The following SPRYD7 variants were observed in gnomAD, a reference collection of about 807,000 sequenced individuals.
SPRYD7 encodes SPRY domain-containing protein 7.
In SPRYD7, 14 loss-of-function variants were observed where a neutral mutation model predicts 23.8. The ratio of observed to expected loss-of-function variants is 0.59; its 90% CI spans 0.39 to 0.92. The LOEUF (loss-of-function observed/expected upper bound fraction) is 0.92. Ranked by LOEUF, SPRYD7 falls within the 40% of genes least tolerant of loss-of-function variation. The probability of loss-of-function intolerance (pLI) is 0.00; values close to 1 mark genes in which losing one functional copy is unlikely to be tolerated. For missense variants in SPRYD7, 194 were observed against 241.7 expected, an observed-to-expected ratio of 0.80 and a Z score of 1.31; for synonymous variants, 75 against 84.9, an observed-to-expected ratio of 0.88 and a Z score of 0.64.
intron 3 of SPRYD7, among the ~76,000 whole-genome samples, chr13:49,926,807 C>T (rs1488613531): frequency 6.6e-6 from 1 of 152,100 alleles, no homozygotes; most frequent in Non-Finnish European, 1.5e-5. Flanking sequence ...GAATTGAGAA[C>T]CCAAGGTTCA....
At chr13:49,932,318 A>G (rs1871420013) in intron 1 of SPRYD7, among the ~76,000 whole-genome samples, 1 of 152,230 alleles carries the variant, frequency 6.6e-6, no homozygotes, top group Non-Finnish European at 1.5e-5. Context: ...GTTTATTAAG[A>G]TAGCTACTTC....
rs1357431962 is a variant in SPRYD7, at chr13:49,914,631, A to AT, written c.*431dup. 2 of 152,654 alleles carry AT rather than the reference A, an allele frequency of 1.3e-5. No homozygotes were observed. The highest frequency in any genetic ancestry group is 1.3e-4 in the Admixed American group (2 of 15,266). The allele number at this position is 152,654 out of a possible 1,614,324, so 9.5% of individuals were successfully genotyped here. ...AATTTCTCTCACTTTGTTATATTGT[A>AT]TATAAAAAAGGACACTAAGCGGCAA... On this transcript the variant is annotated 3_prime_UTR_variant, in exon 5 of 5. Transcript: ENST00000361840.
intron 2 of SPRYD7, among the ~76,000 whole-genome samples, chr13:49,930,083 C>G (rs1955930146): frequency 6.6e-6 from 1 of 152,078 alleles, no homozygotes; most frequent in South Asian, 2.1e-4. Context: ...AGCCACTATG[C>G]CCGATCACTT....
At chr13:49,922,791 T>C (rs1417879405) in intron 3 of SPRYD7, among the ~76,000 whole-genome samples, 2 of 147,378 alleles carry the variant, frequency 1.4e-5, no homozygotes, top group South Asian at 4.4e-4. Context: ...GGATACATTC[T>C]ATCAAGTTAA....
At chr13:49,932,521 G>A (rs757548634) in intron 1 of SPRYD7, among the ~76,000 whole-genome samples, 1 of 152,122 alleles carries the variant, frequency 6.6e-6, no homozygotes, top group Non-Finnish European at 1.5e-5. Context: ...TAACATGTAA[G>A]AATACACAGA....
chr13:49,915,636 T>C (rs1006141539), intron 4 of SPRYD7, among the ~76,000 whole-genome samples: 1 of 152,186 alleles, frequency 6.6e-6, no homozygotes, highest in African/African-American at 2.4e-5. Context: ...GAAACTGACA[T>C]TGGTACACTA....
chr13:49,928,545 G>A (rs1385807122), intron 2 of SPRYD7, among the ~76,000 whole-genome samples: 1 of 152,238 alleles, frequency 6.6e-6, no homozygotes, highest in Non-Finnish European at 1.5e-5. Context: ...CAGTGCAAAT[G>A]AGGATTAAAT....
intron 1 of SPRYD7, among the ~76,000 whole-genome samples, chr13:49,933,001 TG>T (rs1871450025): frequency 1.3e-5 from 2 of 152,192 alleles, no homozygotes; most frequent in African/African-American, 4.8e-5. Context: ...GCAAAGACCA[TG>T]CAGTGCTTGG....
chr13:49,920,642 A>G (rs914827889), intron 4 of SPRYD7, among the ~76,000 whole-genome samples: 1 of 152,150 alleles, frequency 6.6e-6, no homozygotes, highest in Non-Finnish European at 1.5e-5. Flanking sequence ...GGATTGTAAT[A>G]TCCTACCGAC....
chr13:49,917,872 C>T (rs1955770109), intron 4 of SPRYD7, among the ~76,000 whole-genome samples: 1 of 152,112 alleles, frequency 6.6e-6, no homozygotes, highest in South Asian at 2.1e-4. Context: ...CACACATTTA[C>T]ATGCAAGGAC....
rs1955901966 is a variant in SPRYD7, at chr13:49,927,994, A to G, written c.315T>C (p.Asp105=). Reference sequence around the variant, plus strand: ...CTTCATTGTTGTGGTAAAGGGCTCCATCATTTCTCATCACCAGACTGTGCA... The same window carrying G: ...CTTCATTGTTGTGGTAAAGGGCTCCGTCATTTCTCATCACCAGACTGTGCA... The part of the protein sequence containing the change: ...RDMHSLVMRN[D]GALYHNNEEK... Residue 105 remains aspartate (D), a synonymous_variant, in exon 3 of 5, where the codon GAT becomes GAC. Coordinates refer to ENST00000361840, the MANE Select transcript of SPRYD7 (RefSeq NM_020456.4). 1.2e-6 allele frequency: 2 copies of G among 1,614,136 alleles called. No individual in the cohort carries two copies. The highest frequency in any genetic ancestry group is 1.3e-5 in the African/African-American group (1 of 74,950).
intron 4 of SPRYD7, among the ~76,000 whole-genome samples, chr13:49,920,229 G>T (rs919627155): frequency 6.7e-5 from 10 of 150,194 alleles, no homozygotes; most frequent in Admixed American, 5.3e-4. Context: ...CCAGCCTGGG[G>T]GACACAGCAA....
At chr13:49,921,665 A>T in intron 3 of SPRYD7, 85 bp from the exon 4 acceptor site, 1 of 809,804 alleles carries the variant, frequency 1.2e-6, no homozygotes, top group Non-Finnish European at 2.1e-6. Context: ...CAAAAAGCTA[A>T]GCATAGGCTG....
At position 49,936,282 on chromosome 13, in the gene SPRYD7, ACTGCCCCCCGCCGCTCAGCTCCGTCTC is replaced by A; in HGVS notation, c.-74_-48del. On this transcript the variant is annotated 5_prime_UTR_variant, in exon 1 of 5. Transcript: ENST00000361840. ...GCCGCCGTCCCTAGACCGAGGCGAC[ACTGCCCCCCGCCGCTCAGCTCCGTCTC>A]CTGCCCCCGCCCGAGGTCCGGACTT... 2 of 1,385,302 alleles carry A rather than the reference ACTGCCCCCCGCCGCTCAGCTCCGTCTC, an allele frequency of 1.4e-6. No homozygotes were observed. Among genetic ancestry groups the A allele is most frequent in the Non-Finnish European group, 2.0e-6 (2 of 1,009,820 alleles). 85.8% of individuals were successfully genotyped at this position (1,385,302 alleles called of 1,614,324 possible).
At chr13:49,932,684 A>G (rs1871438302) in intron 1 of SPRYD7, among the ~76,000 whole-genome samples, 2 of 152,222 alleles carry the variant, frequency 1.3e-5, no homozygotes, top group African/African-American at 4.8e-5. Context: ...AAGGGGTTAA[A>G]TAAAATTAGG....
chr13:49,915,171 C>T lies in SPRYD7; in HGVS notation c.494-11G>A, dbSNP rs761191383. ...TTGCACTGTCATCAACTAAAGGATA[C>T]AAAAAGAAAGAAAATAAATTAGAAG... On this transcript the variant is annotated splice_polypyrimidine_tract_variant and intron_variant, in intron 4 of 4. Coordinates refer to ENST00000361840, the MANE Select transcript of SPRYD7 (RefSeq NM_020456.4). 4 of 1,362,736 alleles carry T rather than the reference C, an allele frequency of 2.9e-6. No individual in the cohort carries two copies. The highest frequency in any genetic ancestry group is 2.4e-5 in the East Asian group (1 of 41,062). 84.4% of individuals were successfully genotyped at this position (1,362,736 alleles called of 1,614,324 possible).
chr13:49,933,022 G>A (rs1871450842), intron 1 of SPRYD7, among the ~76,000 whole-genome samples: 1 of 152,208 alleles, frequency 6.6e-6, no homozygotes, highest in Non-Finnish European at 1.5e-5. Flanking sequence ...GCATTGAGCA[G>A]CTGCTCATCA....
Position 49,936,111 on chromosome 13 carries a change from G to T in SPRYD7, c.106+19C>A. The T allele has an allele frequency of 6.4e-7, 1 of 1,564,210 alleles. No homozygotes were observed. The highest frequency in any genetic ancestry group is 8.6e-7 in the Non-Finnish European group (1 of 1,157,026). ...CGGCCCCCGTGAGCCGTTGGGTCTG[G>T]GGAAGGGAGGGCCCTTACCCATGTG... is the stretch of plus-strand genomic sequence containing the variant. On this transcript the variant is annotated intron_variant, in intron 1 of 4. Coordinates refer to ENST00000361840, the MANE Select transcript of SPRYD7 (RefSeq NM_020456.4).
At chr13:49,935,087 G>T (rs1018066727) in intron 1 of SPRYD7, among the ~76,000 whole-genome samples, 4 of 152,166 alleles carry the variant, frequency 2.6e-5, no homozygotes, top group African/African-American at 7.2e-5. Flanking sequence ...CACATACAAG[G>T]TGATTATATA....
Sources: allele counts gnomAD v4.1 joint callset (sites outside exome capture counted in the v4.1 genomes callset), GRCh38; gene constraint gnomAD v4.1.1; transcripts MANE v1.5; gene names NCBI Gene and HGNC (gene_info 2026-07-23, HGNC 2026-07-21).